Variants in IGSF21 observed in about 807,000 individuals in gnomAD.
The protein encoded by IGSF21 is immunoglobin superfamily member 21.
IGSF21 carries 28 observed loss-of-function variants against 46.8 expected under a neutral mutation model. The ratio of observed to expected loss-of-function variants is 0.60; its 90% CI spans 0.44 to 0.82. The LOEUF is 0.82. IGSF21 is among the 40% of genes least tolerant of loss of function. The pLI, the probability that IGSF21 is intolerant of heterozygous loss-of-function variation, is 0.00. For missense variants in IGSF21, 624 were observed against 665.5 expected (o/e 0.94, Z 0.69); for synonymous variants, 284 against 273.6 (o/e 1.04, Z -0.38).
At chr1:18,160,828 TA>T (rs1464154980) in intron 1 of IGSF21, among the ~76,000 whole-genome samples, 1 of 152,158 alleles carries the variant, frequency 6.6e-6, no homozygotes, top group Admixed American at 6.6e-5. Flanking sequence ...CAAGCCTTCC[TA>T]AACTGTAGAG....
At chr1:18,277,213 C>G (rs1487734150) in intron 2 of IGSF21, among the ~76,000 whole-genome samples, 1 of 152,228 alleles carries the variant, frequency 6.6e-6, no homozygotes, top group African/African-American at 2.4e-5. Flanking sequence ...AGGCCCAGCT[C>G]CTGCCTCTTG....
rs1569751572 is a variant in IGSF21, at chr1:18,296,219, C to A, written c.305+4232C>A. ...TTCCTGGGACCCCTTCTCACATAAA[C>A]CCTTTCCTCCTAAATCCTTGTTTCA... On this transcript the variant is annotated intron_variant, in intron 3 of 9. Coordinates refer to ENST00000251296, the MANE Select transcript of IGSF21 (RefSeq NM_032880.5). Among the ~76,000 whole-genome samples the A allele has an allele frequency of 3.9e-5, 6 of 152,304 alleles. No homozygotes were observed. The South Asian group carries it at 1.2e-3, about 32-fold the overall frequency.
At chr1:18,281,175 G>GTGAATGAA (rs911246491) in intron 2 of IGSF21, among the ~76,000 whole-genome samples, 1 of 152,010 alleles carries the variant, frequency 6.6e-6, no homozygotes, top group African/African-American at 2.4e-5. Context: ...GAACAGGTGA[G>GTGAATGAA]TGAATGAATG....
chr1:18,117,150 A>T (rs990132973), intron 1 of IGSF21, among the ~76,000 whole-genome samples: 1 of 152,246 alleles, frequency 6.6e-6, no homozygotes, highest in Admixed American at 6.5e-5. Context: ...TTGAACCTCC[A>T]CTGGGTTATA....
At chr1:18,134,373 C>T (rs1046876688) in intron 1 of IGSF21, among the ~76,000 whole-genome samples, 3 of 152,130 alleles carry the variant, frequency 2.0e-5, no homozygotes, top group African/African-American at 7.2e-5. Flanking sequence ...TCCTTGTGGA[C>T]ATGGCCTCAG....
intron 2 of IGSF21, among the ~76,000 whole-genome samples, chr1:18,275,558 C>T: frequency 6.6e-6 from 1 of 152,144 alleles, no homozygotes; most frequent in East Asian, 1.9e-4. Context: ...TCTCCCCATG[C>T]TCACCTGGAA....
Position 18,334,078 on chromosome 1 carries a change from A to G in IGSF21, c.306-814A>G, listed in dbSNP as rs2085740960. Among the ~76,000 whole-genome samples, 1 of 152,198 alleles carries G rather than the reference A, an allele frequency of 6.6e-6. No homozygotes were observed. Among genetic ancestry groups the G allele is most frequent in the African/African-American group, 2.4e-5 (1 of 41,448 alleles). Reference sequence around the variant, plus strand: ...ATTGTAAAGGGCAAGAAAGCCTAAAATATTTACTCTCTGGACTTTTAGGAG... The same window carrying G: ...ATTGTAAAGGGCAAGAAAGCCTAAAGTATTTACTCTCTGGACTTTTAGGAG... On this transcript the variant is annotated intron_variant, in intron 3 of 9. Coordinates refer to ENST00000251296, the MANE Select transcript of IGSF21 (RefSeq NM_032880.5). The surrounding 1 kb of genome is among the most constrained non-coding windows in gnomAD (Gnocchi z 4.3).
intron 2 of IGSF21, among the ~76,000 whole-genome samples, chr1:18,244,178 T>C (rs1052761058): frequency 7.2e-5 from 11 of 152,230 alleles, no homozygotes; most frequent in African/African-American, 2.4e-4. Flanking sequence ...GGTGCTCTAC[T>C]TCTCTGTGCA....
At chr1:18,268,567 C>G (rs2085012254) in intron 2 of IGSF21, among the ~76,000 whole-genome samples, 1 of 152,230 alleles carries the variant, frequency 6.6e-6, no homozygotes, top group Admixed American at 6.5e-5. Flanking sequence ...CACCCAACCC[C>G]AACTCAGGTG....
At chr1:18,204,883 C>T (rs983442014) in intron 1 of IGSF21, among the ~76,000 whole-genome samples, 1 of 152,216 alleles carries the variant, frequency 6.6e-6, no homozygotes, top group Non-Finnish European at 1.5e-5. Flanking sequence ...CAGAGAAAAA[C>T]TACTCCATAG....
intron 4 of IGSF21, among the ~76,000 whole-genome samples, chr1:18,357,356 T>G: frequency 7.6e-6 from 1 of 131,716 alleles, no homozygotes; most frequent in African/African-American, 2.9e-5. Context: ...GAGATGGGGA[T>G]GGGGATATGG....
At chr1:18,174,690 A>T (rs1157418368) in intron 1 of IGSF21, among the ~76,000 whole-genome samples, 1 of 152,152 alleles carries the variant, frequency 6.6e-6, no homozygotes, top group Non-Finnish European at 1.5e-5. Context: ...CCCCCCAGGG[A>T]AGGATAACTC....
chr1:18,312,986 A>G (rs1345443267), intron 3 of IGSF21, among the ~76,000 whole-genome samples: 1 of 152,142 alleles, frequency 6.6e-6, no homozygotes, highest in Non-Finnish European at 1.5e-5. Flanking sequence ...GGCCTGGCAT[A>G]CAGCAGGGGC....
At chr1:18,129,284 A>G (rs1570249877) in intron 1 of IGSF21, among the ~76,000 whole-genome samples, 1 of 152,204 alleles carries the variant, frequency 6.6e-6, no homozygotes, top group South Asian at 2.1e-4. Flanking sequence ...AATTTTACTC[A>G]GGTTGGGAAA....
At chr1:18,285,484 C>T (rs2085203923) in intron 2 of IGSF21, among the ~76,000 whole-genome samples, 2 of 152,148 alleles carry the variant, frequency 1.3e-5, no homozygotes, top group African/African-American at 4.8e-5. Flanking sequence ...CTTCTAGAAT[C>T]AGAACACTGC....
chr1:18,257,443 T>G (rs1191901422), intron 2 of IGSF21, among the ~76,000 whole-genome samples: 1 of 152,194 alleles, frequency 6.6e-6, no homozygotes, highest in Non-Finnish European at 1.5e-5. Flanking sequence ...ATCTAATTTT[T>G]TTCCCCATCC....
chr1:18,108,799 G>A (rs1408799510), intron 1 of IGSF21, among the ~76,000 whole-genome samples: 2 of 151,734 alleles, frequency 1.3e-5, no homozygotes, highest in African/African-American at 4.8e-5. Context: ...CTATTTCTGT[G>A]TGCACAGGAG....
chr1:18,156,089 G>A (rs530021771), intron 1 of IGSF21, among the ~76,000 whole-genome samples: 2 of 152,234 alleles, frequency 1.3e-5, no homozygotes, highest in South Asian at 2.1e-4. Flanking sequence ...ACACGCGACA[G>A]GCTGGCTTCT....
chr1:18,359,391 G>A (rs56326729), intron 4 of IGSF21, among the ~76,000 whole-genome samples: 4,147 of 49,216 alleles, frequency 0.084, 106 homozygotes, highest in East Asian at 0.15. Context: ...AGAAAGGAAG[G>A]AAGGAAGGAA....
Sources: gnomAD v4.1 joint callset for allele counts (sites outside exome capture counted in the v4.1 genomes callset) on GRCh38, gnomAD v4.1.1 for gene constraint, Gnocchi (gnomAD v3.1) non-coding constraint, MANE v1.5 for transcripts, NCBI Gene and HGNC (gene_info 2026-07-23, HGNC 2026-07-21) for gene names.